Variants in IL12RB2 observed in about 807,000 individuals in gnomAD.
IL12RB2 encodes the protein interleukin 12 receptor subunit beta 2.
In IL12RB2, 82 loss-of-function variants were observed where a neutral mutation model predicts 89.4. The observed-to-expected ratio is 0.92, with a 90% CI of 0.77 to 1.10. The LOEUF (loss-of-function observed/expected upper bound fraction) is 1.10. IL12RB2 is among the 50% of genes least tolerant of loss of function. The pLI is 0.00. For missense variants in IL12RB2, 963 were observed against 1,031.9 expected, an observed-to-expected ratio of 0.93 and a Z score of 0.92; for synonymous variants, 368 against 370.1, an observed-to-expected ratio of 0.99 and a Z score of 0.07.
chr1:67,373,615 A>G (rs928386202), intron 13 of IL12RB2, among the ~76,000 whole-genome samples: 1 of 152,258 alleles, frequency 6.6e-6, no homozygotes, highest in Non-Finnish European at 1.5e-5. Context: ...GTGTTGTCTC[A>G]AATGATGTCA....
intron 9 of IL12RB2, among the ~76,000 whole-genome samples, chr1:67,345,615 C>T (rs533534825): frequency 2.6e-5 from 4 of 152,276 alleles, no homozygotes; most frequent in African/African-American, 2.4e-5. Context: ...AGGAGCTATC[C>T]GATCTCAGAA....
intron 2 of IL12RB2, among the ~76,000 whole-genome samples, chr1:67,314,890 T>C (rs1477766785): frequency 2.4e-5 from 3 of 125,184 alleles, no homozygotes; most frequent in Admixed American, 1.0e-4. Flanking sequence ...CTGTCACAAC[T>C]TGAGTGATGA....
chr1:67,355,121 A>G (rs1661240950), intron 10 of IL12RB2, among the ~76,000 whole-genome samples: 1 of 152,076 alleles, frequency 6.6e-6, no homozygotes, highest in African/African-American at 2.4e-5. Context: ...ATCTAAAAAA[A>G]AGAAGGCCAG....
At chr1:67,380,381 T>C (rs1664447173) in intron 14 of IL12RB2, among the ~76,000 whole-genome samples, 1 of 152,184 alleles carries the variant, frequency 6.6e-6, no homozygotes, top group Non-Finnish European at 1.5e-5. Context: ...GCTCCTTACA[T>C]AATGCACTTA....
intron 10 of IL12RB2, among the ~76,000 whole-genome samples, chr1:67,356,516 A>AC (rs1661414266): frequency 6.6e-6 from 1 of 152,182 alleles, no homozygotes; most frequent in African/African-American, 2.4e-5. Context: ...GCAGTTTCAA[A>AC]CAAGAATAAT....
At position 67,395,674 on chromosome 1, in the gene IL12RB2, A is replaced by G. The variant is rs1397096151; in HGVS notation, c.2174A>G (p.Asn725Ser). 6.2e-7 allele frequency: 1 copy of G among 1,614,104 alleles called. No homozygotes were observed. The highest frequency in any genetic ancestry group is 2.2e-5 in the East Asian group (1 of 44,868). ...GTTTTCAGACATCCCCCCTGCTCCA[A>G]CTGGCCACAAAGGGAAAAAGGAATC... ...TPVFRHPPCS[N>S]WPQREKGIQG... The change falls in exon 17 of 17, where the codon AAC becomes AGC. Residue 725 changes from asparagine (N) to serine (S), a missense_variant. Physicochemically the swap from Asn to Ser is conservative, Grantham distance 46. Transcript: ENST00000674203.
rs1279922202 is a variant in IL12RB2 at position 67,396,194 on chromosome 1, T to C, written c.*105T>C. 3.7e-6 allele frequency: 3 copies of C among 808,084 alleles called. No homozygotes were observed. In the Admixed American group the frequency reaches 5.1e-5, roughly 14 times the overall value. 50.1% of individuals were successfully genotyped at this position (808,084 alleles called of 1,614,324 possible). On this transcript the variant is annotated 3_prime_UTR_variant, in exon 17 of 17. Transcript: ENST00000674203. ...CAGCTGTCATCTCTGGGTGCCACCATCGGTCTGGCTGCAGCTAGAGGACAG... is the reference window on the plus strand; with the variant it reads ...CAGCTGTCATCTCTGGGTGCCACCACCGGTCTGGCTGCAGCTAGAGGACAG...
At chr1:67,342,098 T>G (rs1356096330) in intron 9 of IL12RB2, among the ~76,000 whole-genome samples, 2 of 152,152 alleles carry the variant, frequency 1.3e-5, no homozygotes, top group Non-Finnish European at 2.9e-5. Context: ...TATCTAAGTG[T>G]CAGGCTAGAA....
At chr1:67,322,514 A>G (rs545615394) in intron 4 of IL12RB2, among the ~76,000 whole-genome samples, 15 of 151,764 alleles carry the variant, frequency 9.9e-5, no homozygotes, top group Admixed American at 4.6e-4. Flanking sequence ...ACACAGCCCC[A>G]GGGAGGCAAG....
At chr1:67,391,390 C>T (rs1570229478) in intron 16 of IL12RB2, among the ~76,000 whole-genome samples, 1 of 139,300 alleles carries the variant, frequency 7.2e-6, no homozygotes, top group Non-Finnish European at 1.6e-5. Context: ...TGTGTCTATA[C>T]ACACACACAC....
intron 10 of IL12RB2, among the ~76,000 whole-genome samples, chr1:67,362,599 GA>G (rs917711505): frequency 7.9e-5 from 11 of 139,978 alleles, no homozygotes; most frequent in Non-Finnish European, 1.7e-4. Context: ...AAAAGAAAAA[GA>G]AAAAAAAAGA....
intron 13 of IL12RB2, among the ~76,000 whole-genome samples, chr1:67,377,459 AAAGAT>A (rs1664102690): frequency 6.6e-6 from 1 of 152,206 alleles, no homozygotes; most frequent in Non-Finnish European, 1.5e-5. Flanking sequence ...TGCCAAAAGA[AAAGAT>A]AAGCTTGGGA....
intron 9 of IL12RB2, among the ~76,000 whole-genome samples, chr1:67,346,605 C>G (rs1660268248): frequency 6.6e-6 from 1 of 152,058 alleles, no homozygotes; most frequent in African/African-American, 2.4e-5. Context: ...GAGCTGGTCT[C>G]AAACTCTTGA....
chr1:67,341,845 A>C (rs972902346), intron 9 of IL12RB2, among the ~76,000 whole-genome samples: 5 of 152,248 alleles, frequency 3.3e-5, no homozygotes, highest in African/African-American at 1.2e-4. Flanking sequence ...AGAGTTACTG[A>C]GCAGTCCTGC....
At position 67,328,233 on chromosome 1, in the gene IL12RB2, G is replaced by A. The variant is rs770680638; in HGVS notation, c.513G>A (p.Lys171=). The A allele has an allele frequency of 3.1e-6, 5 of 1,614,002 alleles. No homozygotes were observed. Among genetic ancestry groups the A allele is most frequent in the Non-Finnish European group, 4.2e-6 (5 of 1,180,000 alleles). ...GACCAAAAAATTTAACCTGGCAGAA[G>A]CAATGTAAAGACATTTATTGTGACT... The part of the protein sequence containing the change: ...LSGPKNLTWQ[K]QCKDIYCDYL... Residue 171 remains lysine (K), a synonymous_variant, in exon 6 of 17, where the codon AAG becomes AAA. Transcript: ENST00000674203.
intron 10 of IL12RB2, among the ~76,000 whole-genome samples, chr1:67,358,788 G>A (rs1468150960): frequency 2.0e-5 from 3 of 152,076 alleles, no homozygotes. Flanking sequence ...GTTAAATACT[G>A]TAAAAGCTAA....
chr1:67,367,438 AGAAG>A (rs1435471850), intron 10 of IL12RB2, among the ~76,000 whole-genome samples: 2 of 132,382 alleles, frequency 1.5e-5, no homozygotes, highest in African/African-American at 2.9e-5. Flanking sequence ...AGAAAAAGAA[AGAAG>A]GAAGGAAGGA....
intron 14 of IL12RB2, among the ~76,000 whole-genome samples, chr1:67,385,000 C>G (rs988245486): frequency 2.2e-4 from 33 of 152,232 alleles, no homozygotes; most frequent in Non-Finnish European, 1.2e-4. Flanking sequence ...ATTTTCCTGT[C>G]TTCTTCTGAG....
chr1:67,310,751 G>A (rs954615536), intron 1 of IL12RB2, among the ~76,000 whole-genome samples: 14 of 152,018 alleles, frequency 9.2e-5, no homozygotes, highest in African/African-American at 3.1e-4. Context: ...TTTTTGAGAC[G>A]GAGTCTTGCT....
Sources: gnomAD v4.1 joint callset for allele counts (sites outside exome capture counted in the v4.1 genomes callset) on GRCh38, gnomAD v4.1.1 for gene constraint, MANE v1.5 for transcripts, NCBI Gene and HGNC (gene_info 2026-07-23, HGNC 2026-07-21) for gene names.